The following BBS9 variants were observed in gnomAD, a reference collection of about 807,000 sequenced individuals.
BBS9 encodes protein PTHB1.
In BBS9, 89 loss-of-function variants were observed where a neutral mutation model predicts 117.7. That is an observed-to-expected ratio of 0.76 (90% CI 0.64 to 0.90). The LOEUF is 0.90. BBS9 is among the 40% of genes least tolerant of loss of function. The pLI is 0.00. For missense variants in BBS9, 982 were observed against 1,042.2 expected (o/e 0.94, Z 0.80); for synonymous variants, 379 against 370.9 (o/e 1.02, Z -0.25).
downstream of BBS9, among the ~76,000 whole-genome samples, chr7:33,610,254 G>C (rs1310956826): frequency 6.6e-6 from 1 of 152,096 alleles, no homozygotes; most frequent in Admixed American, 6.6e-5. Context: ...ATAGCACTAT[G>C]AGTGTGGCGG....
At chr7:33,267,779 C>T (rs1444001525) in intron 7 of BBS9, among the ~76,000 whole-genome samples, 4 of 151,986 alleles carry the variant, frequency 2.6e-5, no homozygotes, top group Non-Finnish European at 4.4e-5. Context: ...TATGTATTTA[C>T]CCATGTAGGT....
intron 4 of BBS9, among the ~76,000 whole-genome samples, chr7:33,176,410 G>A (rs1019860779): frequency 2.0e-5 from 3 of 152,110 alleles, no homozygotes; most frequent in African/African-American, 7.2e-5. Flanking sequence ...TTTGGTTTAG[G>A]TTCTAAAAGT....
intron 9 of BBS9, among the ~76,000 whole-genome samples, chr7:33,284,398 A>G (rs895980528): frequency 2.6e-5 from 4 of 152,286 alleles, no homozygotes; most frequent in Non-Finnish European, 5.9e-5. Flanking sequence ...GGAGAAATCC[A>G]TGGACAACCT....
chr7:33,598,063 A>G (rs1294449368), intron 21 of BBS9, among the ~76,000 whole-genome samples: 1 of 151,978 alleles, frequency 6.6e-6, no homozygotes, highest in African/African-American at 2.4e-5. Flanking sequence ...AGCTTGGTCC[A>G]CTACTGTGAT....
intron 2 of BBS9, among the ~76,000 whole-genome samples, chr7:33,152,381 A>G (rs549191108): frequency 6.6e-6 from 1 of 152,284 alleles, no homozygotes; most frequent in African/African-American, 2.4e-5. Context: ...AGTTTACAAC[A>G]TTGTACTAGT....
intron 19 of BBS9, among the ~76,000 whole-genome samples, chr7:33,491,611 A>G (rs1843906798): frequency 6.6e-6 from 1 of 152,216 alleles, no homozygotes; most frequent in South Asian, 2.1e-4. Context: ...GGGACACAGT[A>G]GTAAATAAGA....
chr7:33,245,992 G>A (rs1795271889), intron 5 of BBS9, among the ~76,000 whole-genome samples: 1 of 152,094 alleles, frequency 6.6e-6, no homozygotes. Context: ...AGGTACTGGA[G>A]TATCTTGGAA....
chr7:33,476,471 G>T (rs1427771928), intron 19 of BBS9, among the ~76,000 whole-genome samples: 1 of 152,220 alleles, frequency 6.6e-6, no homozygotes, highest in African/African-American at 2.4e-5. Context: ...CCATTGCCCT[G>T]TCTGCCTTGG....
At chr7:33,417,295 A>C (rs1832167469) in intron 19 of BBS9, among the ~76,000 whole-genome samples, 1 of 152,194 alleles carries the variant, frequency 6.6e-6, no homozygotes, top group Admixed American at 6.5e-5. Flanking sequence ...AGTTTATAGC[A>C]TTGTCTCACT....
intron 19 of BBS9, among the ~76,000 whole-genome samples, chr7:33,494,597 TG>T (rs949399964): frequency 1.3e-5 from 2 of 152,204 alleles, no homozygotes; most frequent in African/African-American, 4.8e-5. Context: ...CTTGTTTACC[TG>T]GAGTATAGGG....
chr7:33,186,357 G>A (rs901979252), intron 5 of BBS9, among the ~76,000 whole-genome samples: 5 of 152,180 alleles, frequency 3.3e-5, no homozygotes, highest in Non-Finnish European at 7.3e-5. Flanking sequence ...GTAACTGTGA[G>A]TGGTGGAGGG....
intron 5 of BBS9, among the ~76,000 whole-genome samples, chr7:33,255,725 T>C (rs921487005): frequency 2.0e-5 from 3 of 152,240 alleles, no homozygotes; most frequent in African/African-American, 7.2e-5. Context: ...GTTTGCCAGA[T>C]AGCTAGATGA....
intron 16 of BBS9, among the ~76,000 whole-genome samples, chr7:33,362,392 G>C (rs970732992): frequency 6.6e-6 from 1 of 151,880 alleles, no homozygotes; most frequent in East Asian, 1.9e-4. Flanking sequence ...AAGTTTTCTA[G>C]TTTTAAACTT....
chr7:33,301,471 T>C (rs1806429926), intron 9 of BBS9, among the ~76,000 whole-genome samples: 1 of 152,118 alleles, frequency 6.6e-6, no homozygotes, highest in Non-Finnish European at 1.5e-5. Context: ...CTCCATGCGT[T>C]CAATTATTTT....
At chr7:33,318,821 G>A (rs1262376450) in intron 9 of BBS9, among the ~76,000 whole-genome samples, 1 of 152,016 alleles carries the variant, frequency 6.6e-6, no homozygotes, top group Non-Finnish European at 1.5e-5. Flanking sequence ...ACTTAAGAGT[G>A]ACAACATATG....
At chr7:33,406,691 T>C (rs1462800717) in intron 19 of BBS9, among the ~76,000 whole-genome samples, 1 of 152,160 alleles carries the variant, frequency 6.6e-6, no homozygotes, top group Non-Finnish European at 1.5e-5. Flanking sequence ...CCTTCACTTA[T>C]GAAGCTTAGT....
chr7:33,278,534 T>G (rs1801208907), intron 9 of BBS9, among the ~76,000 whole-genome samples: 1 of 152,126 alleles, frequency 6.6e-6, no homozygotes, highest in Non-Finnish European at 1.5e-5. Flanking sequence ...GTCCTGAGAC[T>G]AGATGAGTTC....
chr7:33,339,263 CT>C (rs941703326), intron 10 of BBS9, among the ~76,000 whole-genome samples: 8 of 152,078 alleles, frequency 5.3e-5, no homozygotes, highest in African/African-American at 1.9e-4. Flanking sequence ...AGTCAGCCCC[CT>C]TAAGGAGCTT....
chr7:33,228,694 G>T (rs1049323515), intron 5 of BBS9, among the ~76,000 whole-genome samples: 2 of 152,082 alleles, frequency 1.3e-5, no homozygotes, highest in Non-Finnish European at 2.9e-5. Flanking sequence ...TAGTAAAAAA[G>T]TTATTAAGAA....
Sources: gnomAD v4.1 joint callset for allele counts (sites outside exome capture counted in the v4.1 genomes callset) on GRCh38, gnomAD v4.1.1 for gene constraint, MANE v1.5 for transcripts, NCBI Gene and HGNC (gene_info 2026-07-23, HGNC 2026-07-21) for gene names.